ADNP2: variants seen among roughly 807,000 people sequenced by gnomAD.
ADNP2 encodes activity-dependent neuroprotector homeobox protein 2.
In ADNP2, 8 loss-of-function variants were observed where a neutral mutation model predicts 16.4. The observed-to-expected ratio is 0.49, with a 90% CI of 0.29 to 0.88. ADNP2 has a LOEUF of 0.88. Among genes scored for constraint, ADNP2 ranks in the 40% least tolerant of loss-of-function variants. The probability of loss-of-function intolerance (pLI) is 0.09; values close to 1 mark genes in which losing one functional copy is unlikely to be tolerated. For synonymous variants in ADNP2, 637 were observed against 545.8 expected (o/e 1.17, Z -2.33); for missense variants, 1,397 against 1,395.1 (o/e 1.00, Z -0.02).
chr18:80,117,461 T>C, intron 1 of ADNP2, 69 bp from the exon 2 acceptor site: 1 of 921,078 alleles, frequency 1.1e-6, no homozygotes, highest in South Asian at 2.0e-5. Context: ...TTACCAACCC[T>C]GTCAAAAAAT....
intron 2 of ADNP2, among the ~76,000 whole-genome samples, chr18:80,130,220 G>C (rs527881196): frequency 6.6e-6 from 1 of 152,100 alleles, no homozygotes; most frequent in South Asian, 2.1e-4. Context: ...GTGAGGATGG[G>C]CCCATTCTTT....
chr18:80,138,127 A>G lies in ADNP2; in HGVS notation c.2714A>G (p.His905Arg). The G allele has an allele frequency of 6.2e-7, 1 of 1,614,064 alleles. No individual in the cohort carries two copies. Residue 905 changes from histidine (H) to arginine (R), a missense_variant, in exon 4 of 4, where the codon CAC becomes CGC. This residue lies in a region of ADNP2 where 611 missense variants were observed against 648.7 expected (regional missense o/e 0.94). Coordinates refer to ENST00000262198, the MANE Select transcript of ADNP2 (RefSeq NM_014913.4). ...AGGCACCACATCATGCCCACAGTCCACACGGTCCTGAAGTCTCCCGCCTTC... is the reference window on the plus strand; with the variant it reads ...AGGCACCACATCATGCCCACAGTCCGCACGGTCCTGAAGTCTCCCGCCTTC... ...KERHHIMPTVHTVLKSPAFKC... is the reference protein window; with the variant it reads ...KERHHIMPTVRTVLKSPAFKC...
intron 1 of ADNP2, among the ~76,000 whole-genome samples, chr18:80,112,173 T>C (rs958961286): frequency 6.6e-5 from 10 of 152,204 alleles, no homozygotes; most frequent in African/African-American, 2.4e-4. Flanking sequence ...TCTATAAATA[T>C]GAAAACATTG....
intron 1 of ADNP2, among the ~76,000 whole-genome samples, chr18:80,115,436 C>T (rs528781901): frequency 6.6e-6 from 1 of 152,230 alleles, no homozygotes; most frequent in Admixed American, 6.5e-5. Context: ...TGCATCCAGG[C>T]ACTCTCAGTG....
chr18:80,138,467 A>G lies in ADNP2; in HGVS notation c.3054A>G (p.Lys1018=). 5 of 1,614,150 alleles carry G rather than the reference A, an allele frequency of 3.1e-6. No homozygotes were observed. Among genetic ancestry groups the G allele is most frequent in the Non-Finnish European group, 4.2e-6 (5 of 1,180,046 alleles). The part of the protein sequence containing the change: ...PEKVTSVVPF[K]RQRNESRTEG... ...AGGTGACGAGTGTTGTGCCTTTTAAAAGACAAAGGAATGAAAGCAGAACAG... is the reference window on the plus strand; with the variant it reads ...AGGTGACGAGTGTTGTGCCTTTTAAGAGACAAAGGAATGAAAGCAGAACAG... Residue 1018 remains lysine, a synonymous_variant, in exon 4 of 4, where the codon AAA becomes AAG. Coordinates refer to ENST00000262198, the MANE Select transcript of ADNP2 (RefSeq NM_014913.4).
intron 3 of ADNP2, among the ~76,000 whole-genome samples, chr18:80,135,270 A>G (rs537923914): frequency 2.6e-5 from 4 of 152,356 alleles, no homozygotes; most frequent in Admixed American, 1.3e-4. Context: ...AAAAAATGAC[A>G]ATACTATTTT....
chr18:80,115,218 A>G (rs1263999592), intron 1 of ADNP2, among the ~76,000 whole-genome samples: 2 of 152,170 alleles, frequency 1.3e-5, no homozygotes, highest in East Asian at 1.9e-4. Flanking sequence ...TATCTGGCCT[A>G]TGGGAGCCCT....
rs553494105 is a variant in ADNP2 at position 80,136,895 on chromosome 18, G to A, written c.1482G>A (p.Pro494=). 9.7e-5 allele frequency: 156 copies of A among 1,614,082 alleles called. No homozygotes were observed. The highest frequency in any genetic ancestry group is 1.3e-4 in the South Asian group (12 of 91,080). Reference sequence around the variant, plus strand: ...TTCTCCCTGTGGGCCAGACAGCTCCGTCACGGGTTCTTCCCCCAGGCCAGA... The same window carrying A: ...TTCTCCCTGTGGGCCAGACAGCTCCATCACGGGTTCTTCCCCCAGGCCAGA... ...SGVLPVGQTA[P]SRVLPPGQTA... The change falls in exon 4 of 4, where the codon CCG becomes CCA. Residue 494 remains proline, a synonymous_variant. Coordinates refer to ENST00000262198, the MANE Select transcript of ADNP2 (RefSeq NM_014913.4).
At chr18:80,117,489 A>G in intron 1 of ADNP2, 41 bp from the exon 2 acceptor site, 1 of 1,277,694 alleles carries the variant, frequency 7.8e-7, no homozygotes, top group South Asian at 1.4e-5. Context: ...TGTGTATTAT[A>G]TACATGTACT....
chr18:80,118,455 A>G (rs1179586918), intron 2 of ADNP2, among the ~76,000 whole-genome samples: 1 of 151,876 alleles, frequency 6.6e-6, no homozygotes, highest in Non-Finnish European at 1.5e-5. Flanking sequence ...GTTCTTATAT[A>G]TCCTTGTAGT....
At chr18:80,133,444 A>G (rs1295849337) in intron 3 of ADNP2, among the ~76,000 whole-genome samples, 2 of 152,224 alleles carry the variant, frequency 1.3e-5, no homozygotes, top group Non-Finnish European at 2.9e-5. Context: ...ATTATAAGAT[A>G]TCATTGCTGT....
chr18:80,134,364 A>C (rs1331362842), intron 3 of ADNP2, among the ~76,000 whole-genome samples: 5 of 151,502 alleles, frequency 3.3e-5, no homozygotes, highest in African/African-American at 1.2e-4. Flanking sequence ...GTCAAAAAAA[A>C]CAAAAAACTG....
Position 80,138,818 on chromosome 18 carries a change from A to C in ADNP2, c.*9A>C, listed in dbSNP as rs1397011351. ...TTGAATATGAACCATAAAACTTGCA[A>C]AAAAAAAAAAAAGTAACTCTAAAGT... On this transcript the variant is annotated 3_prime_UTR_variant, in exon 4 of 4. Coordinates refer to ENST00000262198, the MANE Select transcript of ADNP2 (RefSeq NM_014913.4). 1.4e-6 allele frequency: 2 copies of C among 1,419,632 alleles called. No individual in the cohort carries two copies. The allele number at this position is 1,419,632 out of a possible 1,614,324, so 87.9% of individuals were successfully genotyped here. A position where few individuals can be genotyped will look rare whatever the true frequency, so the allele number is the denominator to read the frequency against.
chr18:80,120,451 C>T (rs1372476340), intron 2 of ADNP2, among the ~76,000 whole-genome samples: 1 of 151,674 alleles, frequency 6.6e-6, no homozygotes, highest in African/African-American at 2.4e-5. Flanking sequence ...CCTAACTCAG[C>T]TTTCTGAGTA....
At chr18:80,134,422 A>T (rs867786639) in intron 3 of ADNP2, among the ~76,000 whole-genome samples, 7 of 138,464 alleles carry the variant, frequency 5.1e-5, no homozygotes, top group Non-Finnish European at 1.0e-4. Flanking sequence ...TGTGTGTGAG[A>T]GAGAGTGATA....
intron 1 of ADNP2, among the ~76,000 whole-genome samples, chr18:80,110,531 AAG>A (rs1158965389): frequency 1.3e-5 from 2 of 152,180 alleles, no homozygotes; most frequent in Admixed American, 6.5e-5. Flanking sequence ...CCTTTATCAA[AAG>A]AGGGGGTTTG....
Position 80,136,548 on chromosome 18 carries a change from G to A in ADNP2, c.1135G>A (p.Gly379Arg), listed in dbSNP as rs145273192. The A allele has an allele frequency of 2.7e-4, 437 of 1,614,178 alleles. No individual in the cohort carries two copies. Among genetic ancestry groups the A allele is most frequent in the Admixed American group, 3.7e-4 (22 of 60,028 alleles). Residue 379 changes from glycine (G) to arginine (R), a missense_variant, in exon 4 of 4, where the codon GGA becomes AGA. Physicochemically the swap from Gly to Arg is moderately radical, Grantham distance 125. Transcript: ENST00000262198. ...PPVLPLSQPVGPVNKSVGTSV... is the reference protein window; with the variant it reads ...PPVLPLSQPVRPVNKSVGTSV... ...TGTGTTGCCCTTGAGTCAGCCAGTC[G>A]GACCTGTCAATAAGTCTGTTGGAAC...
Position 80,134,383 on chromosome 18 carries a change from AAG to A in ADNP2, c.198+1194_198+1195del, listed in dbSNP as rs1491096624. On this transcript the variant is annotated intron_variant, in intron 3 of 3. Coordinates refer to ENST00000262198, the MANE Select transcript of ADNP2 (RefSeq NM_014913.4). ...AAAAAAACAAAAAACTGAAGAATGGAAGAGTGTGTGTGTGTGTGTGTGTGTGT... is the reference window on the plus strand; with the variant it reads ...AAAAAAACAAAAAACTGAAGAATGGAAGTGTGTGTGTGTGTGTGTGTGTGT... 5.1e-5 allele frequency among the ~76,000 whole-genome samples: 6 copies of A among 117,826 alleles called. No individual in the cohort carries two copies. In the East Asian group the frequency reaches 1.2e-3, roughly 24 times the overall value. 77.3% of individuals were successfully genotyped at this position (117,826 alleles called of 152,430 possible). A position where few individuals can be genotyped will look rare whatever the true frequency, so the allele number is the denominator to read the frequency against.
At chr18:80,109,989 C>A in intron 1 of ADNP2, 1 of 152,834 alleles carries the variant, frequency 6.5e-6, no homozygotes, top group South Asian at 1.9e-4. Flanking sequence ...GGAAGCTTCT[C>A]TCTGGAGGAG....
Sources: allele counts gnomAD v4.1 joint callset (sites outside exome capture counted in the v4.1 genomes callset), GRCh38; gene constraint gnomAD v4.1.1; regional missense constraint gnomAD v4.1.1; transcripts MANE v1.5; gene names NCBI Gene and HGNC (gene_info 2026-07-23, HGNC 2026-07-21).